Variants in TFEC observed in about 807,000 individuals in gnomAD.
TFEC encodes the protein transcription factor EC, also known as class E basic helix-loop-helix protein 34.
Under a neutral mutation model 41.6 loss-of-function variants are expected in TFEC, and 31 were observed. That is an observed-to-expected ratio of 0.74 (90% CI 0.56 to 1.01). The LOEUF (loss-of-function observed/expected upper bound fraction) is 1.01. Ranked by LOEUF, TFEC falls within the 50% of genes least tolerant of loss-of-function variation. The pLI is 0.00. For missense variants in TFEC, 402 were observed against 404.1 expected (o/e 0.99, Z 0.04); for synonymous variants, 143 against 140.6 (o/e 1.02, Z -0.12).
At chr7:116,125,642 A>C (rs1798194242) in intron 1 of TFEC, among the ~76,000 whole-genome samples, 1 of 152,148 alleles carries the variant, frequency 6.6e-6, no homozygotes. Flanking sequence ...ATTCCAAAAG[A>C]TCCTACACAG....
Position 115,997,090 on chromosome 7 carries a change from A to G in TFEC, c.-72-12577T>C, listed in dbSNP as rs1327868298. On this transcript the variant is annotated intron_variant, in intron 1 of 7. Transcript: ENST00000265440. ...GGCATTAGGCCCTTGAGAGAAACAT[A>G]AACAGTAATCAAGCAATGGTTACCA... Among the ~76,000 whole-genome samples the G allele has an allele frequency of 2.6e-5, 4 of 152,256 alleles. No individual in the cohort carries two copies. In the East Asian group the frequency reaches 7.7e-4, roughly 29 times the overall value.
chr7:116,035,160 C>T (rs1031962275), upstream of TFEC, among the ~76,000 whole-genome samples: 1 of 151,868 alleles, frequency 6.6e-6, no homozygotes, highest in Admixed American at 6.6e-5. Flanking sequence ...AATTTTATTC[C>T]CTTTATTTAT....
intron 2 of TFEC, among the ~76,000 whole-genome samples, chr7:115,982,675 G>T (rs948243706): frequency 6.6e-6 from 1 of 152,082 alleles, no homozygotes; most frequent in African/African-American, 2.4e-5. Context: ...ATTGTCTATA[G>T]CCATTGTTCG....
intron 1 of TFEC, among the ~76,000 whole-genome samples, chr7:116,159,387 T>C (rs540682574): frequency 6.6e-6 from 1 of 151,980 alleles, no homozygotes; most frequent in African/African-American, 2.4e-5. Flanking sequence ...ATATAATAAT[T>C]ATATTTTCAA....
At chr7:116,143,821 G>A (rs889473337) in intron 1 of TFEC, among the ~76,000 whole-genome samples, 4 of 152,148 alleles carry the variant, frequency 2.6e-5, no homozygotes, top group African/African-American at 7.2e-5. Flanking sequence ...ATGGGGAGAA[G>A]GGAAATCACA....
chr7:115,940,953 A>G (rs1312740211), intron 7 of TFEC, 22 bp from the exon 8 acceptor site: 2 of 1,543,360 alleles, frequency 1.3e-6, no homozygotes, highest in African/African-American at 1.4e-5. Context: ...AACGAAAATC[A>G]TTAAATAATG....
At chr7:116,012,839 A>G (rs889582281) in intron 1 of TFEC, among the ~76,000 whole-genome samples, 1 of 151,486 alleles carries the variant, frequency 6.6e-6, no homozygotes, top group Non-Finnish European at 1.5e-5. Flanking sequence ...AAAAAAAAAA[A>G]AAAAACCCAA....
At chr7:116,058,209 C>T (rs540711399) in intron 3 of TFEC, among the ~76,000 whole-genome samples, 10 of 151,346 alleles carry the variant, frequency 6.6e-5, no homozygotes, top group Non-Finnish European at 1.0e-4. Flanking sequence ...CACACTAACA[C>T]GGATCAAAAG....
intron 3 of TFEC, among the ~76,000 whole-genome samples, chr7:115,958,850 G>T (rs1404198469): frequency 6.6e-6 from 1 of 151,688 alleles, no homozygotes; most frequent in African/African-American, 2.4e-5. Flanking sequence ...ATCACTTTTT[G>T]AATATCATTA....
At chr7:115,945,248 T>C (rs1407611572) in intron 6 of TFEC, among the ~76,000 whole-genome samples, 1 of 151,458 alleles carries the variant, frequency 6.6e-6, no homozygotes, top group East Asian at 2.0e-4. Flanking sequence ...GCCTCCTCTA[T>C]GCTACCCTTC....
intron 3 of TFEC, among the ~76,000 whole-genome samples, chr7:115,966,772 C>A (rs1445058561): frequency 6.6e-6 from 1 of 151,700 alleles, no homozygotes; most frequent in Non-Finnish European, 1.5e-5. Context: ...CAGTTATATT[C>A]TTTCCCACTG....
At chr7:116,038,375 T>C (rs1275397958) in intron 3 of TFEC, among the ~76,000 whole-genome samples, 3 of 152,034 alleles carry the variant, frequency 2.0e-5, no homozygotes, top group African/African-American at 7.2e-5. Context: ...TACCTAAAAC[T>C]ATTTTTAGAA....
intron 3 of TFEC, among the ~76,000 whole-genome samples, chr7:116,048,438 G>A (rs1796225548): frequency 6.6e-6 from 1 of 152,294 alleles, no homozygotes; most frequent in South Asian, 2.1e-4. Context: ...AGAAAAAAGA[G>A]TAAAAAGAAA....
At chr7:116,155,509 G>T (rs908475002) in intron 1 of TFEC, among the ~76,000 whole-genome samples, 1 of 151,844 alleles carries the variant, frequency 6.6e-6, no homozygotes, top group Admixed American at 6.6e-5. Context: ...TTTTAAAGTT[G>T]ATCCCATTAA....
At chr7:115,989,460 G>A (rs550157853) in intron 1 of TFEC, among the ~76,000 whole-genome samples, 28 of 152,334 alleles carry the variant, frequency 1.8e-4, no homozygotes, top group African/African-American at 6.5e-4. Flanking sequence ...GCCTCACCCG[G>A]GAAGCATAAG....
chr7:116,067,618 G>C (rs1313780215), intron 3 of TFEC, among the ~76,000 whole-genome samples: 1 of 151,922 alleles, frequency 6.6e-6, no homozygotes, highest in Non-Finnish European at 1.5e-5. Flanking sequence ...TTTGACACTT[G>C]TTCCTACCTT....
chr7:116,099,696 A>G (rs1797560313), intron 3 of TFEC, among the ~76,000 whole-genome samples: 1 of 152,232 alleles, frequency 6.6e-6, no homozygotes, highest in Non-Finnish European at 1.5e-5. Flanking sequence ...GCAGAATGGA[A>G]GCAAGCGAAT....
chr7:116,102,050 T>C (rs1217111154), intron 3 of TFEC, among the ~76,000 whole-genome samples: 1 of 152,172 alleles, frequency 6.6e-6, no homozygotes, highest in Admixed American at 6.6e-5. Context: ...GTTCCTCTGT[T>C]TTCAAAGTTT....
intron 1 of TFEC, among the ~76,000 whole-genome samples, chr7:116,028,442 C>T (rs766980833): frequency 1.3e-5 from 2 of 152,296 alleles, no homozygotes; most frequent in South Asian, 4.1e-4. Context: ...CCTCTCTCTT[C>T]GTAGGTTATG....
Sources: gnomAD v4.1 joint callset for allele counts (sites outside exome capture counted in the v4.1 genomes callset) on GRCh38, gnomAD v4.1.1 for gene constraint, MANE v1.5 for transcripts, NCBI Gene and HGNC (gene_info 2026-07-23, HGNC 2026-07-21) for gene names.